Variants in KHDRBS2 observed in about 807,000 individuals in gnomAD.
KHDRBS2 encodes KH RNA binding domain containing, signal transduction associated 2.
In KHDRBS2, 26 loss-of-function variants were observed where a neutral mutation model predicts 44.3. The observed-to-expected ratio is 0.59, with a 90% CI of 0.43 to 0.81. The LOEUF (loss-of-function observed/expected upper bound fraction) is 0.81. Among genes scored for constraint, KHDRBS2 ranks in the 40% least tolerant of loss-of-function variants. The pLI is 0.00. For missense variants in KHDRBS2, 476 were observed against 433.1 expected (o/e 1.10, Z -0.88); for synonymous variants, 194 against 151.1 (o/e 1.28, Z -2.08).
intron 1 of KHDRBS2, among the ~76,000 whole-genome samples, chr6:62,184,373 C>T (rs751282499): frequency 2.0e-5 from 3 of 151,636 alleles, no homozygotes; most frequent in Admixed American, 6.6e-5. Flanking sequence ...GGTGAAGAAA[C>T]ATCAATGGAA....
chr6:61,863,599 A>C (rs901284347), intron 6 of KHDRBS2, among the ~76,000 whole-genome samples: 2 of 152,198 alleles, frequency 1.3e-5, no homozygotes, highest in African/African-American at 4.8e-5. Flanking sequence ...GTTTTGAGTG[A>C]ATACCTTAAT....
At chr6:62,280,697 C>T (rs373911631) in intron 1 of KHDRBS2, among the ~76,000 whole-genome samples, 10 of 152,150 alleles carry the variant, frequency 6.6e-5, no homozygotes, top group South Asian at 2.1e-4. Flanking sequence ...ATATTTGTGG[C>T]AAGTGAAAGA....
chr6:62,133,113 A>G (rs1367283788), intron 2 of KHDRBS2, among the ~76,000 whole-genome samples: 4 of 152,188 alleles, frequency 2.6e-5, no homozygotes, highest in African/African-American at 9.7e-5. Context: ...AAAAGACAAG[A>G]GATAACAAAT....
the KHDRBS2 span, among the ~76,000 whole-genome samples, chr6:61,556,377 C>G: frequency 6.6e-6 from 1 of 152,176 alleles, no homozygotes; most frequent in Non-Finnish European, 1.5e-5. Flanking sequence ...ACCAAAAAAT[C>G]AATAAGAATG....
intron 6 of KHDRBS2, among the ~76,000 whole-genome samples, chr6:61,775,553 G>C (rs1245213970): frequency 3.3e-5 from 5 of 152,022 alleles, no homozygotes; most frequent in Non-Finnish European, 2.9e-5. Flanking sequence ...TTGCTTCAAA[G>C]AGAATAAAAT....
intron 2 of KHDRBS2, among the ~76,000 whole-genome samples, chr6:62,071,882 T>G (rs960307204): frequency 5.5e-4 from 83 of 152,266 alleles, no homozygotes; most frequent in Non-Finnish European, 9.0e-4. Context: ...GTGAAGAAAG[T>G]CATTGGTAGC....
chr6:61,854,444 T>C (rs1295264292), intron 6 of KHDRBS2, among the ~76,000 whole-genome samples: 1 of 152,148 alleles, frequency 6.6e-6, no homozygotes, highest in African/African-American at 2.4e-5. Context: ...ATTCTAATGA[T>C]TACCTTGCCA....
At chr6:61,980,365 G>T (rs1773581298) in intron 3 of KHDRBS2, among the ~76,000 whole-genome samples, 1 of 152,042 alleles carries the variant, frequency 6.6e-6, no homozygotes, top group Non-Finnish European at 1.5e-5. Flanking sequence ...TGCCCTTCTA[G>T]ATCCTCCTGT....
At chr6:62,188,832 G>T (rs1188520391) in intron 1 of KHDRBS2, among the ~76,000 whole-genome samples, 2 of 152,178 alleles carry the variant, frequency 1.3e-5, no homozygotes, top group African/African-American at 4.8e-5. Flanking sequence ...CGTGTCAGTA[G>T]GCTGGGTGCG....
intron 6 of KHDRBS2, among the ~76,000 whole-genome samples, chr6:61,868,194 C>G (rs974806852): frequency 6.6e-6 from 1 of 152,064 alleles, no homozygotes; most frequent in African/African-American, 2.4e-5. Context: ...AATAGGGTCC[C>G]ATTTAAAGCA....
chr6:61,649,815 T>C, the KHDRBS2 span, among the ~76,000 whole-genome samples: 1 of 152,174 alleles, frequency 6.6e-6, no homozygotes, highest in Admixed American at 6.6e-5. Flanking sequence ...TTTGGATTAC[T>C]CTAATGTTCT....
the KHDRBS2 span, among the ~76,000 whole-genome samples, chr6:61,634,187 C>T: frequency 6.6e-6 from 1 of 150,464 alleles, no homozygotes; most frequent in African/African-American, 2.5e-5. Context: ...CTTTATTTGT[C>T]AACAATCACT....
intron 8 of KHDRBS2, among the ~76,000 whole-genome samples, chr6:61,689,591 T>C (rs1330587459): frequency 1.3e-5 from 2 of 151,942 alleles, no homozygotes; most frequent in African/African-American, 4.8e-5. Flanking sequence ...TGAACCTATC[T>C]GTGCCAGAAC....
chr6:61,745,320 G>T (rs548084090), intron 6 of KHDRBS2, among the ~76,000 whole-genome samples: 13 of 151,950 alleles, frequency 8.6e-5, no homozygotes, highest in African/African-American at 3.1e-4. Flanking sequence ...GGTTTCCTTC[G>T]ACTCCCATTT....
chr6:62,233,137 T>G (rs1833153360), intron 1 of KHDRBS2, among the ~76,000 whole-genome samples: 1 of 152,116 alleles, frequency 6.6e-6, no homozygotes, highest in Non-Finnish European at 1.5e-5. Context: ...GAGGGTAGCT[T>G]CCTCAGAACT....
chr6:61,995,630 G>A (rs895726104), intron 3 of KHDRBS2, among the ~76,000 whole-genome samples: 3 of 152,136 alleles, frequency 2.0e-5, no homozygotes, highest in Non-Finnish European at 4.4e-5. Flanking sequence ...GTGATCTCAT[G>A]TGCAAAAGTC....
chr6:62,127,990 T>C (rs1809374016), intron 2 of KHDRBS2, among the ~76,000 whole-genome samples: 1 of 152,192 alleles, frequency 6.6e-6, no homozygotes, highest in Non-Finnish European at 1.5e-5. Context: ...CAAGAGTACC[T>C]GTCTTACATT....
At chr6:62,160,351 C>T (rs1163332158) in intron 2 of KHDRBS2, among the ~76,000 whole-genome samples, 8 of 152,036 alleles carry the variant, frequency 5.3e-5, no homozygotes, top group Non-Finnish European at 8.8e-5. Flanking sequence ...TAAGTTAGAC[C>T]TTGTTAAGAA....
chr6:62,150,385 C>T (rs1243396475), intron 2 of KHDRBS2, among the ~76,000 whole-genome samples: 2 of 151,694 alleles, frequency 1.3e-5, no homozygotes, highest in Non-Finnish European at 2.9e-5. Context: ...TTGACATATA[C>T]TATCTAATTT....
Sources: allele counts gnomAD v4.1 joint callset (sites outside exome capture counted in the v4.1 genomes callset), GRCh38; gene constraint gnomAD v4.1.1; transcripts MANE v1.5; gene names NCBI Gene and HGNC (gene_info 2026-07-23, HGNC 2026-07-21).